ST7L: variants seen among roughly 807,000 people sequenced by gnomAD.
ST7L encodes suppressor of tumorigenicity 7 protein-like.
In ST7L, 57 loss-of-function variants were observed where a neutral mutation model predicts 72.5. The observed-to-expected ratio is 0.79, with a 90% CI of 0.64 to 0.98. The LOEUF is 0.98. ST7L is among the 50% of genes least tolerant of loss of function. The pLI, the probability that ST7L is intolerant of heterozygous loss-of-function variation, is 0.00. For missense variants in ST7L, 576 were observed against 672.2 expected, an observed-to-expected ratio of 0.86 and a Z score of 1.58; for synonymous variants, 221 against 240.9, an observed-to-expected ratio of 0.92 and a Z score of 0.77.
At chr1:112,532,718 C>A (rs1426901813) in intron 14 of ST7L, among the ~76,000 whole-genome samples, 2 of 152,176 alleles carry the variant, frequency 1.3e-5, no homozygotes, top group Non-Finnish European at 2.9e-5. Context: ...CAAATAATTT[C>A]TCTCCTTGAA....
At chr1:112,519,201 A>G (rs940069195), downstream of ST7L, among the ~76,000 whole-genome samples, 11 of 152,178 alleles carry the variant, frequency 7.2e-5, no homozygotes, top group African/African-American at 2.7e-4. Flanking sequence ...TATCATTAAA[A>G]CAATTTGAGC....
chr1:112,538,071 T>C (rs1370454394), intron 14 of ST7L, among the ~76,000 whole-genome samples: 4 of 152,342 alleles, frequency 2.6e-5, no homozygotes, highest in Admixed American at 2.6e-4. Context: ...TGAAAAGATA[T>C]TAGATGAGAA....
intron 1 of ST7L, among the ~76,000 whole-genome samples, chr1:112,618,538 G>A (rs1453101426): frequency 1.3e-5 from 2 of 152,230 alleles, no homozygotes; most frequent in African/African-American, 2.4e-5. Flanking sequence ...GGCAGCGGGA[G>A]ACTCAAAGTA....
At chr1:112,574,486 C>T (rs1052039535) in intron 11 of ST7L, among the ~76,000 whole-genome samples, 20 of 151,534 alleles carry the variant, frequency 1.3e-4, no homozygotes, top group African/African-American at 3.1e-4. Flanking sequence ...TGTGAAACCT[C>T]GTCTCTACTA....
At chr1:112,530,252 CA>C (rs1654153120) in intron 14 of ST7L, 2 of 152,220 alleles carry the variant, frequency 1.3e-5, no homozygotes, top group African/African-American at 4.8e-5. Context: ...GTACATTCTA[CA>C]ACTCTCTAGT....
At chr1:112,583,829 T>C (rs919513988) in intron 7 of ST7L, 143 bp downstream of exon 7, 2 of 889,140 alleles carry the variant, frequency 2.2e-6, no homozygotes, top group Non-Finnish European at 3.4e-6. Context: ...TGCTGGCTTG[T>C]AGGTATTGTG....
chr1:112,547,193 C>CTTTTT (rs759140130), intron 13 of ST7L, among the ~76,000 whole-genome samples: 6 of 137,522 alleles, frequency 4.4e-5, no homozygotes, highest in African/African-American at 8.0e-5. Flanking sequence ...TTCTTTCTTT[C>CTTTTT]TTTTTTTTTT....
chr1:112,545,467 T>C lies in ST7L; in HGVS notation c.1490-3377A>G, dbSNP rs573345040. ...CTCTTGCATATTGATGTTCCATAAT[T>C]TAAGGTCCATTCTTTTGCCTTAAAT... is the stretch of plus-strand genomic sequence containing the variant. On this transcript the variant is annotated intron_variant, in intron 13 of 14. Transcript: ENST00000358039. 9.2e-5 allele frequency among the ~76,000 whole-genome samples: 14 copies of C among 152,332 alleles called. No homozygotes were observed. The South Asian group carries it at 2.3e-3, about 25-fold the overall frequency.
chr1:112,542,019 A>G lies in ST7L; in HGVS notation c.1561T>C (p.Ser521Pro), dbSNP rs1355765113. 2 of 1,613,766 alleles carry G rather than the reference A, an allele frequency of 1.2e-6. No individual in the cohort carries two copies. Among genetic ancestry groups the G allele is most frequent in the Non-Finnish European group, 1.7e-6 (2 of 1,179,942 alleles). ...AGAATGGCTATCATTGCTGTAGAAG[A>G]GCAAAATCCTGCTGTGAAATGGATG... is the stretch of plus-strand genomic sequence containing the variant. The part of the protein sequence containing the change: ...LFIHFTAGFC[S>P]STAMIAILTH... Residue 521 changes from serine (S) to proline (P), a missense_variant, in exon 14 of 15, where the codon TCT (serine) becomes CCT (proline). By Grantham distance (74) the Ser-to-Pro change is moderately conservative. Coordinates refer to ENST00000358039, the MANE Select transcript of ST7L (RefSeq NM_017744.5).
chr1:112,616,855 C>A lies in ST7L; in HGVS notation c.246G>T (p.Val82=). ...TCAATGAAGAGGTCCCTGTAAGTGCCACATAGAATTTGGGTGTCAATGAAT... is the reference window on the plus strand; with the variant it reads ...TCAATGAAGAGGTCCCTGTAAGTGCAACATAGAATTTGGGTGTCAATGAAT... ...FLNSLTPKFY[V]ALTGTSSLIS... is the part of the protein sequence containing the mutation. The change falls in exon 2 of 15, where the codon GTG becomes GTT. Residue 82 remains valine (V), a synonymous_variant. Coordinates refer to ENST00000358039, the MANE Select transcript of ST7L (RefSeq NM_017744.5). 2 of 1,606,838 alleles carry A rather than the reference C, an allele frequency of 1.2e-6. No homozygotes were observed. Among genetic ancestry groups the A allele is most frequent in the South Asian group, 1.1e-5 (1 of 89,018 alleles).
intron 8 of ST7L, 70 bp from the exon 9 acceptor site, chr1:112,582,176 T>G: frequency 8.3e-7 from 1 of 1,206,148 alleles, no homozygotes; most frequent in Non-Finnish European, 1.2e-6. Context: ...GCCAGATTCA[T>G]TAAGTAGAAA....
At chr1:112,610,284 G>A (rs540820165) in intron 3 of ST7L, among the ~76,000 whole-genome samples, 1 of 152,188 alleles carries the variant, frequency 6.6e-6, no homozygotes, top group South Asian at 2.1e-4. Context: ...AGTCTTACAC[G>A]ACAAAGTAAA....
chr1:112,585,585 T>C (rs541392439), intron 6 of ST7L, among the ~76,000 whole-genome samples: 3 of 151,978 alleles, frequency 2.0e-5, no homozygotes, highest in Non-Finnish European at 2.9e-5. Context: ...TACAAAAAAT[T>C]AGCTGGGCGC....
intron 5 of ST7L, among the ~76,000 whole-genome samples, chr1:112,593,718 A>G (rs1398584208): frequency 6.6e-6 from 1 of 152,196 alleles, no homozygotes; most frequent in African/African-American, 2.4e-5. Flanking sequence ...AAAAAATCCA[A>G]AAAACAATGG....
rs368365933 is a variant in ST7L at position 112,583,960 on chromosome 1, A to G, written c.856+12T>C. On this transcript the variant is annotated intron_variant, in intron 7 of 14. Coordinates refer to ENST00000358039, the MANE Select transcript of ST7L (RefSeq NM_017744.5). ...GCTAAAAGACAGTAATAACCAGTTC[A>G]AACTTGCTTACTCAGTTGAGCTTCA... is the stretch of plus-strand genomic sequence containing the variant. The G allele has an allele frequency of 5.0e-5, 81 of 1,611,764 alleles. No homozygotes were observed. The African/African-American group carries it at 1.0e-3, about 21-fold the overall frequency.
chr1:112,566,023 A>T (rs1265493316), intron 11 of ST7L, among the ~76,000 whole-genome samples: 2 of 152,000 alleles, frequency 1.3e-5, no homozygotes, highest in African/African-American at 4.8e-5. Flanking sequence ...GAAAAAAAAA[A>T]AAGGTACAGA....
intron 6 of ST7L, among the ~76,000 whole-genome samples, chr1:112,587,791 A>G (rs1665084666): frequency 6.6e-6 from 1 of 152,162 alleles, no homozygotes; most frequent in Non-Finnish European, 1.5e-5. Flanking sequence ...TTGTTTTGGT[A>G]TTCAGGGTCT....
intron 5 of ST7L, among the ~76,000 whole-genome samples, chr1:112,593,279 A>G (rs1371490814): frequency 6.6e-6 from 1 of 152,194 alleles, no homozygotes; most frequent in East Asian, 1.9e-4. Flanking sequence ...TGGGGGAAAA[A>G]TGTATATATT....
At chr1:112,583,291 A>C (rs968090226) in intron 7 of ST7L, among the ~76,000 whole-genome samples, 2 of 152,216 alleles carry the variant, frequency 1.3e-5, no homozygotes, top group African/African-American at 4.8e-5. Flanking sequence ...TGCCAAAATC[A>C]TGAAACTAAA....
Sources: allele counts gnomAD v4.1 joint callset (sites outside exome capture counted in the v4.1 genomes callset), GRCh38; gene constraint gnomAD v4.1.1; transcripts MANE v1.5; gene names NCBI Gene and HGNC (gene_info 2026-07-23, HGNC 2026-07-21).